RBMS1: variants seen among roughly 807,000 people sequenced by gnomAD.
The protein encoded by RBMS1 is RNA binding motif single stranded interacting protein 1, also known as RNA-binding motif, single-stranded-interacting protein 1.
In RBMS1, 17 loss-of-function variants were observed where a neutral mutation model predicts 62.3. That is an observed-to-expected ratio of 0.27 (90% confidence interval 0.19 to 0.41). The LOEUF is 0.41. RBMS1 is among the 10% of genes least tolerant of loss of function. The probability of loss-of-function intolerance (pLI) is 1.00; values close to 1 mark genes in which losing one functional copy is unlikely to be tolerated. For synonymous variants in RBMS1, 172 were observed against 170.0 expected, an observed-to-expected ratio of 1.01 and a Z score of -0.09; for missense variants, 334 against 504.5, an observed-to-expected ratio of 0.66 and a Z score of 3.24.
chr2:160,483,847 C>T (rs1281981709), intron 1 of RBMS1, among the ~76,000 whole-genome samples: 1 of 152,104 alleles, frequency 6.6e-6, no homozygotes, highest in Non-Finnish European at 1.5e-5. Flanking sequence ...CCACCCAAGC[C>T]CACTCTGCAG....
intron 4 of RBMS1, among the ~76,000 whole-genome samples, chr2:160,311,376 A>G (rs1275022311): frequency 6.6e-6 from 1 of 151,726 alleles, no homozygotes; most frequent in African/African-American, 2.4e-5. Flanking sequence ...GATTCCTCTT[A>G]CTAATTACTG....
chr2:160,372,135 A>G (rs1290113459), intron 1 of RBMS1, among the ~76,000 whole-genome samples: 1 of 152,170 alleles, frequency 6.6e-6, no homozygotes, highest in Non-Finnish European at 1.5e-5. Flanking sequence ...CTAATAGGCT[A>G]AAGAACAGTG....
At chr2:160,480,797 A>G (rs1685333296) in intron 1 of RBMS1, among the ~76,000 whole-genome samples, 1 of 152,198 alleles carries the variant, frequency 6.6e-6, no homozygotes, top group Non-Finnish European at 1.5e-5. Context: ...AGTAATTAGT[A>G]TTGACACAAG....
intron 4 of RBMS1, among the ~76,000 whole-genome samples, chr2:160,307,974 A>T (rs1277892940): frequency 6.6e-6 from 1 of 152,096 alleles, no homozygotes; most frequent in Non-Finnish European, 1.5e-5. Flanking sequence ...ATTGCCCTTA[A>T]TTTTTTTCTG....
intron 1 of RBMS1, among the ~76,000 whole-genome samples, chr2:160,443,234 A>AC (rs1559556605): frequency 1.3e-4 from 20 of 150,354 alleles, no homozygotes; most frequent in East Asian, 5.9e-4. Flanking sequence ...AAAAAAAAAA[A>AC]CCTTGACTTA....
At chr2:160,436,425 C>T (rs2105293839) in intron 1 of RBMS1, among the ~76,000 whole-genome samples, 1 of 152,368 alleles carries the variant, frequency 6.6e-6, no homozygotes, top group African/African-American at 2.4e-5. Flanking sequence ...CCCATCCAAG[C>T]TGCCTGCTGA....
chr2:160,385,385 TAA>T (rs1370971711), intron 1 of RBMS1, among the ~76,000 whole-genome samples: 1 of 151,318 alleles, frequency 6.6e-6, no homozygotes, highest in African/African-American at 2.4e-5. Context: ...AAATAAAAAA[TAA>T]AAAAGAGAGA....
chr2:160,303,554 T>A, intron 4 of RBMS1, 67 bp from the exon 5 acceptor site: 6 of 1,476,728 alleles, frequency 4.1e-6, no homozygotes, highest in Non-Finnish European at 5.5e-6. Context: ...TTAACACACC[T>A]ATTTTTATTA....
chr2:160,380,587 T>G (rs573866252), intron 1 of RBMS1, among the ~76,000 whole-genome samples: 87 of 152,354 alleles, frequency 5.7e-4, no homozygotes, highest in South Asian at 1.0e-3. Flanking sequence ...ACTTCACATA[T>G]TCCTAAAATT....
rs143123452 is a variant in RBMS1 at position 160,332,227 on chromosome 2, C to A, written c.252-14000G>T. ...AAGAGGACTGGACTTCTTGTTGATACAAGATGAATGTCAGTAAATATAATG... is the reference window on the plus strand; with the variant it reads ...AAGAGGACTGGACTTCTTGTTGATAAAAGATGAATGTCAGTAAATATAATG... On this transcript the variant is annotated intron_variant, in intron 2 of 13. Transcript: ENST00000348849. 2.6e-3 allele frequency among the ~76,000 whole-genome samples: 391 copies of A among 152,164 alleles called. 1 individual carries two copies. The highest frequency in any genetic ancestry group is 8.6e-3 in the African/African-American group (359 of 41,508).
intron 2 of RBMS1, among the ~76,000 whole-genome samples, chr2:160,352,819 T>C (rs900598734): frequency 3.3e-5 from 5 of 152,160 alleles, no homozygotes; most frequent in African/African-American, 1.2e-4. Flanking sequence ...GCCTACCGCG[T>C]TGCATCATGA....
intron 10 of RBMS1, 34 bp from the exon 11 acceptor site, chr2:160,278,692 A>C: frequency 7.4e-7 from 1 of 1,359,150 alleles, no homozygotes; most frequent in East Asian, 2.3e-5. Context: ...AAATTAGACA[A>C]ACTGAGGCAA....
chr2:160,448,558 G>T (rs1035532790), intron 1 of RBMS1, among the ~76,000 whole-genome samples: 14 of 152,268 alleles, frequency 9.2e-5, no homozygotes, highest in African/African-American at 3.1e-4. Flanking sequence ...GGCCTCCCGA[G>T]GTGCCAGGAT....
At chr2:160,493,023 G>A (rs1182719386) in intron 1 of RBMS1, 2 of 406,102 alleles carry the variant, frequency 4.9e-6, no homozygotes, top group African/African-American at 4.2e-5. Context: ...CCGCTGGCCG[G>A]GCCAGGAAGG....
At chr2:160,449,096 G>C (rs562358461) in intron 1 of RBMS1, among the ~76,000 whole-genome samples, 3 of 151,084 alleles carry the variant, frequency 2.0e-5, no homozygotes, top group Non-Finnish European at 4.4e-5. Flanking sequence ...CCCTCCGCCC[G>C]GCAGCCGCCC....
At chr2:160,334,859 G>T (rs1272527816) in intron 2 of RBMS1, among the ~76,000 whole-genome samples, 1 of 151,484 alleles carries the variant, frequency 6.6e-6, no homozygotes, top group Non-Finnish European at 1.5e-5. Context: ...GATTCTGGGG[G>T]AAAACACAAC....
chr2:160,492,760 G>T (rs1365085702), intron 1 of RBMS1: 1 of 152,632 alleles, frequency 6.6e-6, no homozygotes. Flanking sequence ...CCGGAGGCGG[G>T]GAGGAAAATA....
intron 1 of RBMS1, among the ~76,000 whole-genome samples, chr2:160,373,116 T>C (rs1288794325): frequency 6.6e-6 from 1 of 152,182 alleles, no homozygotes; most frequent in Non-Finnish European, 1.5e-5. Flanking sequence ...AACTGACCAA[T>C]AGAGTATTAA....
intron 2 of RBMS1, among the ~76,000 whole-genome samples, chr2:160,357,211 G>A (rs1359835598): frequency 6.6e-6 from 1 of 152,000 alleles, no homozygotes; most frequent in Non-Finnish European, 1.5e-5. Flanking sequence ...AGAAGGAAAG[G>A]GTGATTTTTA....
Sources: allele counts gnomAD v4.1 joint callset (sites outside exome capture counted in the v4.1 genomes callset), GRCh38; gene constraint gnomAD v4.1.1; transcripts MANE v1.5; gene names NCBI Gene and HGNC (gene_info 2026-07-23, HGNC 2026-07-21).